APOB: variants seen among roughly 807,000 people sequenced by gnomAD.
The protein encoded by APOB is apolipoprotein B.
In APOB, 153 loss-of-function variants were observed where a neutral mutation model predicts 314.1. The ratio of observed to expected loss-of-function variants is 0.49; its 90% CI spans 0.43 to 0.56. The LOEUF is 0.56. APOB is among the 20% of genes least tolerant of loss of function. The pLI is 0.00. For synonymous variants in APOB, 2,087 were observed against 2,036.4 expected, an observed-to-expected ratio of 1.02 and a Z score of -0.67; for missense variants, 5,430 against 5,350.7, an observed-to-expected ratio of 1.01 and a Z score of -0.46.
In APOB at chr2:21,006,966, G is replaced by A. The variant is rs1663161526; in HGVS notation, c.9902C>T (p.Ser3301Leu). The A allele has an allele frequency of 6.2e-7, 1 of 1,613,948 alleles. No individual in the cohort carries two copies. The highest frequency in any genetic ancestry group is 1.3e-5 in the African/African-American group (1 of 74,926). ...GACATGAAGGACTGGCAGCTCTAAT[G>A]ATGGCAGGATTAATGTGTATGAAGG... ...RVPSYTLILP[S>L]LELPVLHVPR... The change falls in exon 26 of 29, where the codon TCA becomes TTA. Residue 3301 changes from serine to leucine, a missense_variant. Transcript: ENST00000233242.
rs749308859 is a variant in APOB, at chr2:21,024,959, G to A, written c.2410C>T (p.Arg804Cys). The A allele has an allele frequency of 2.6e-5, 42 of 1,614,012 alleles. 1 individual carries two copies. Among genetic ancestry groups the A allele is most frequent in the Admixed American group, 3.3e-5 (2 of 59,984 alleles). Residue 804 changes from arginine to cysteine, a missense_variant, in exon 16 of 29, where the codon CGC (arginine) becomes TGC (cysteine). Transcript: ENST00000233242. ...ATCTGGGGGATCCCCTGCAGAGTGC[G>A]GGCACCCATCAGAAGCAGCTTTCCC... is the stretch of plus-strand genomic sequence containing the variant. ...LLGKLLLMGA[R>C]TLQGIPQMIG... is the part of the protein sequence containing the mutation.
chr2:21,035,927 A>G (rs1329252219), intron 6 of APOB, among the ~76,000 whole-genome samples: 3 of 152,154 alleles, frequency 2.0e-5, no homozygotes, highest in Non-Finnish European at 4.4e-5. Context: ...CCCTCACTGG[A>G]CAATGTCTAA....
intron 18 of APOB, among the ~76,000 whole-genome samples, chr2:21,020,869 T>A (rs534549532): frequency 6.6e-6 from 1 of 152,312 alleles, no homozygotes; most frequent in African/African-American, 2.4e-5. Context: ...CTTTTATGGC[T>A]TTGGTTCTCC....
chr2:21,030,065 G>T (rs904436924), intron 10 of APOB, 50 bp from the exon 11 acceptor site: 1 of 1,181,466 alleles, frequency 8.5e-7, no homozygotes, highest in Non-Finnish European at 1.3e-6. Flanking sequence ...AGTTAGGTTT[G>T]TCTTAAAACC....
At position 21,009,927 on chromosome 2, in the gene APOB, A is replaced by G. The variant is rs372035579; in HGVS notation, c.6941T>C (p.Leu2314Pro). 2.8e-5 allele frequency: 45 copies of G among 1,613,960 alleles called. No individual in the cohort carries two copies. The African/African-American group carries it at 5.2e-4, about 19-fold the overall frequency. Residue 2314 changes from leucine (L) to proline (P), a missense_variant, in exon 26 of 29, where the codon CTT becomes CCT. Physicochemically the swap from Leu to Pro is moderately conservative, Grantham distance 98. Coordinates refer to ENST00000233242, the MANE Select transcript of APOB (RefSeq NM_000384.3). ...TISFERINDI[L>P]EHVKHFVINL... The stretch of plus-strand genomic sequence containing the variant: ...TATAACAAAGTGTTTGACATGCTCA[A>G]GAATGTCATTTATTCTTTCAAATGA...
In APOB at chr2:21,012,140, C is replaced by A; in HGVS notation, c.4728G>T (p.Gly1576=). 1 of 1,602,650 alleles carries A rather than the reference C, an allele frequency of 6.2e-7. No individual in the cohort carries two copies. The highest frequency in any genetic ancestry group is 8.5e-7 in the Non-Finnish European group (1 of 1,173,814). ...YELTLKSDTN[G]KYKNFATSNK... ...TAGAAGTGGCAAAGTTCTTATACTT[C>A]CCATTGGTGTCAGATTTTAAAGTCA... Residue 1576 remains glycine (G), a synonymous_variant, in exon 26 of 29, where the codon GGG becomes GGT. Coordinates refer to ENST00000233242, the MANE Select transcript of APOB (RefSeq NM_000384.3).
At position 21,005,071 on chromosome 2, in the gene APOB, A is replaced by G; in HGVS notation, c.11788+9T>C. On this transcript the variant is annotated intron_variant, in intron 26 of 28. Coordinates refer to ENST00000233242, the MANE Select transcript of APOB (RefSeq NM_000384.3). ...CAGTATCTAGGAGAGGAGGCAGGATATTTCTTACCATTTAGTTCATATTCT... is the reference window on the plus strand; with the variant it reads ...CAGTATCTAGGAGAGGAGGCAGGATGTTTCTTACCATTTAGTTCATATTCT... 6.2e-7 allele frequency: 1 copy of G among 1,613,574 alleles called. No individual in the cohort carries two copies.
At chr2:21,035,803 A>G in intron 6 of APOB, 95 bp from the exon 7 acceptor site, 2 of 1,242,266 alleles carry the variant, frequency 1.6e-6, no homozygotes, top group Non-Finnish European at 2.3e-6. Context: ...GGAGTCCTGT[A>G]CCACTAGATA....
intron 9 of APOB, 62 bp from the exon 10 acceptor site, chr2:21,032,643 C>T (rs1663909620): frequency 4.6e-6 from 6 of 1,318,122 alleles, no homozygotes; most frequent in Non-Finnish European, 6.5e-6. Flanking sequence ...AAATATTGCT[C>T]ATGGTGTGTC....
chr2:21,016,561 A>T lies in APOB; in HGVS notation c.3210T>A (p.Asp1070Glu), dbSNP rs756398393. 6.2e-7 allele frequency: 1 copy of T among 1,610,190 alleles called. No homozygotes were observed. The highest frequency in any genetic ancestry group is 1.7e-5 in the Admixed American group (1 of 60,024). The change falls in exon 21 of 29, where the codon GAT (aspartate) becomes GAA (glutamate). Residue 1070 changes from aspartate (D) to glutamate (E), a missense_variant. By Grantham distance (45) the Asp-to-Glu change is conservative. Coordinates refer to ENST00000233242, the MANE Select transcript of APOB (RefSeq NM_000384.3). ...CTCTGAGGATTGTTCCGAGGTCAAC[A>T]TCAAAATCCGGAATTTGGACTTCAC... ...LSSEVQIPDF[D>E]VDLGTILRVN...
chr2:21,007,852 C>G lies in APOB; in HGVS notation c.9016G>C (p.Gly3006Arg). The G allele has an allele frequency of 6.2e-7, 1 of 1,614,072 alleles. No individual in the cohort carries two copies. Among genetic ancestry groups the G allele is most frequent in the Non-Finnish European group, 8.5e-7 (1 of 1,179,964 alleles). ...TTCCCTTCTCCAAACAGTGCCATGC[C>G]TTTAGCAGTTAGAACACTGTGGCCC... ...HVGHSVLTAKGMALFGEGKAE... is the reference protein window; with the variant it reads ...HVGHSVLTAKRMALFGEGKAE... Residue 3006 changes from glycine (G) to arginine (R), a missense_variant, in exon 26 of 29, where the codon GGC becomes CGC. Physicochemically the swap from Gly to Arg is moderately radical, Grantham distance 125. This residue lies in a region of APOB where 3,281 missense variants were observed against 3,171.0 expected (regional missense o/e 1.03). Coordinates refer to ENST00000233242, the MANE Select transcript of APOB (RefSeq NM_000384.3).
Position 21,010,807 on chromosome 2 carries a change from C to T in APOB, c.6061G>A (p.Asp2021Asn). The change falls in exon 26 of 29, where the codon GAC becomes AAC. Residue 2021 changes from aspartate (D) to asparagine (N), a missense_variant. Coordinates refer to ENST00000233242, the MANE Select transcript of APOB (RefSeq NM_000384.3). ...GRTLADLTLL[D>N]SPIKVPLLLS... Reference sequence around the variant, plus strand: ...AAAAGTGGCACTTTAATTGGGGAGTCTAGTAGAGTTAGGTCAGCCAGAGTT... The same window carrying T: ...AAAAGTGGCACTTTAATTGGGGAGTTTAGTAGAGTTAGGTCAGCCAGAGTT... The T allele has an allele frequency of 1.2e-6, 2 of 1,614,084 alleles. No homozygotes were observed. Among genetic ancestry groups the T allele is most frequent in the Non-Finnish European group, 1.7e-6 (2 of 1,180,012 alleles).
chr2:21,042,838 C>A (rs988592177), intron 2 of APOB, among the ~76,000 whole-genome samples: 1 of 151,728 alleles, frequency 6.6e-6, no homozygotes, highest in South Asian at 2.1e-4. Context: ...AGCTTGAACA[C>A]GCCGTAATTC....
rs761500877 is a variant in APOB at position 21,010,542 on chromosome 2, C to T, written c.6326G>A (p.Arg2109Lys). 1 of 1,610,006 alleles carries T rather than the reference C, an allele frequency of 6.2e-7. No homozygotes were observed. Among genetic ancestry groups the T allele is most frequent in the South Asian group, 1.1e-5 (1 of 90,638 alleles). ...LKHINIDQFV[R>K]KYRAALGKLP... ...TTTTCCCAGGGCTGCTCTGTATTTT[C>T]TTACAAATTGATCAATATTGATGTG... Residue 2109 changes from arginine (R) to lysine (K), a missense_variant, in exon 26 of 29, where the codon AGA becomes AAA. By Grantham distance (26) the Arg-to-Lys change is conservative. Around this residue, in one of 3 missense-constraint regions of APOB, gnomAD observed 3,281 missense variants for 3,171.0 expected, o/e 1.03. Coordinates refer to ENST00000233242, the MANE Select transcript of APOB (RefSeq NM_000384.3).
chr2:21,009,534 T>G lies in APOB; in HGVS notation c.7334A>C (p.Glu2445Ala). The change falls in exon 26 of 29, where the codon GAG becomes GCG. Residue 2445 changes from glutamate (E) to alanine (A), a missense_variant. Transcript: ENST00000233242. ...FVDETNDKIR[E>A]VTQRLNGEIQ... is the part of the protein sequence containing the mutation. The stretch of plus-strand genomic sequence containing the variant: ...TTCACCATTGAGTCTCTGAGTCACC[T>G]CACGGATTTTGTCATTGGTTTCATC... 1 of 1,614,094 alleles carries G rather than the reference T, an allele frequency of 6.2e-7. No homozygotes were observed.
chr2:21,036,548 G>C (rs879350168), intron 6 of APOB, among the ~76,000 whole-genome samples: 15 of 152,172 alleles, frequency 9.9e-5, no homozygotes, highest in Non-Finnish European at 2.1e-4. Flanking sequence ...TTAACAGAGA[G>C]GAGAGGGTGC....
chr2:21,015,586 T>G, intron 21 of APOB, 41 bp from the exon 22 acceptor site: 1 of 1,595,932 alleles, frequency 6.3e-7, no homozygotes, highest in Non-Finnish European at 8.5e-7. Context: ...GATTTTGTCC[T>G]TTCAATGGAG....
At chr2:21,017,497 G>A (rs1034734135) in intron 20 of APOB, among the ~76,000 whole-genome samples, 1 of 152,176 alleles carries the variant, frequency 6.6e-6, no homozygotes, top group Non-Finnish European at 1.5e-5. Context: ...ATGAAAAGAG[G>A]TTGGAGCCAC....
chr2:21,011,122 T>C lies in APOB; in HGVS notation c.5746A>G (p.Lys1916Glu). ...TIDAHTNGNG[K>E]LALWGEHTGQ... is the part of the protein sequence containing the mutation. The stretch of plus-strand genomic sequence containing the variant: ...GTATGTTCTCCCCAGAGAGCGAGTT[T>C]CCCATTGCCATTTGTATGTGCATCG... Residue 1916 changes from lysine (K) to glutamate (E), a missense_variant, in exon 26 of 29, where the codon AAA becomes GAA. By Grantham distance (56) the Lys-to-Glu change is moderately conservative. This residue lies in a region of APOB where 3,281 missense variants were observed against 3,171.0 expected (regional missense o/e 1.03). Transcript: ENST00000233242. 6.2e-7 allele frequency: 1 copy of C among 1,614,238 alleles called. No individual in the cohort carries two copies. The highest frequency in any genetic ancestry group is 8.5e-7 in the Non-Finnish European group (1 of 1,180,024).
Sources: gnomAD v4.1 joint callset for allele counts (sites outside exome capture counted in the v4.1 genomes callset) on GRCh38, gnomAD v4.1.1 for gene constraint, gnomAD v4.1.1 regional missense constraint, MANE v1.5 for transcripts, NCBI Gene and HGNC (gene_info 2026-07-23, HGNC 2026-07-21) for gene names.